NINJ2: variants seen among roughly 807,000 people sequenced by gnomAD.
NINJ2 encodes the protein ninjurin 2.
In NINJ2, 12 loss-of-function variants were observed where a neutral mutation model predicts 11.7. The observed-to-expected ratio is 1.02, with a 90% confidence interval of 0.66 to 1.66. NINJ2 has a LOEUF of 1.66. Among genes scored for constraint, NINJ2 ranks in the 40% most tolerant of loss-of-function variants. The probability of loss-of-function intolerance (pLI) is 0.00; values close to 1 mark genes in which losing one functional copy is unlikely to be tolerated. For missense variants in NINJ2, 187 were observed against 181.8 expected (o/e 1.03, Z -0.16); for synonymous variants, 93 against 76.8 (o/e 1.21, Z -1.10).
At chr12:643,829 ATCGCTCAGGTCTT>A in intron 1 of NINJ2, 6 of 280,674 alleles carry the variant, frequency 2.1e-5, no homozygotes, top group Non-Finnish European at 3.3e-5. Flanking sequence ...CTACCAGCTC[ATCGCTCAGGTCTT>A]AGATGACACT....
At chr12:620,566 A>G (rs942913689) in intron 1 of NINJ2, among the ~76,000 whole-genome samples, 6 of 152,248 alleles carry the variant, frequency 3.9e-5, no homozygotes, top group Admixed American at 6.5e-5. Flanking sequence ...TCATTTGTAG[A>G]TACTAAAAGT....
rs1452208106 is a variant in NINJ2 at position 633,514 on chromosome 12, T to C, written c.33+29814A>G. On this transcript the variant is annotated intron_variant, in intron 1 of 3. Transcript: ENST00000305108. The surrounding 1 kb of genome is among the most constrained non-coding windows in gnomAD (Gnocchi z 4.3). ...GACTGTCTCCAAAAAAAAAAAATCA[T>C]GTCATTTAAAAACTTCTGAGGCTGG... 6.6e-6 allele frequency among the ~76,000 whole-genome samples: 1 copy of C among 150,730 alleles called. No individual in the cohort carries two copies. The highest frequency in any genetic ancestry group is 1.5e-5 in the Non-Finnish European group (1 of 67,738).
intron 1 of NINJ2, among the ~76,000 whole-genome samples, chr12:639,140 C>G (rs1948391134): frequency 6.6e-6 from 1 of 152,038 alleles, no homozygotes; most frequent in African/African-American, 2.4e-5. Flanking sequence ...TACCCCTAGT[C>G]GCAGACATTT....
At chr12:662,211 C>G (rs1035725131) in intron 1 of NINJ2, among the ~76,000 whole-genome samples, 2 of 152,198 alleles carry the variant, frequency 1.3e-5, no homozygotes, top group African/African-American at 4.8e-5. Flanking sequence ...GACAAGCAAG[C>G]CTTGCGGTGG....
intron 1 of NINJ2, among the ~76,000 whole-genome samples, chr12:657,001 A>C (rs1199861301): frequency 6.6e-6 from 1 of 152,240 alleles, no homozygotes; most frequent in Non-Finnish European, 1.5e-5. Flanking sequence ...GAATTAATTC[A>C]AAGTGGACTA....
At chr12:622,713 T>C (rs1948168244) in intron 1 of NINJ2, among the ~76,000 whole-genome samples, 1 of 152,184 alleles carries the variant, frequency 6.6e-6, no homozygotes, top group Non-Finnish European at 1.5e-5. Flanking sequence ...CACAGACCCT[T>C]TCAGAATCTG....
rs1303265571 is a variant in NINJ2, at chr12:581,867, C to T, written c.34-15689G>A. The stretch of plus-strand genomic sequence containing the variant: ...AGCAAAAGTCAATGTAAGTCCCAGG[C>T]GATGTCTAACTCAGCCCCAAGGTGT... On this transcript the variant is annotated intron_variant, in intron 1 of 3. Coordinates refer to ENST00000305108, the MANE Select transcript of NINJ2 (RefSeq NM_016533.6). The surrounding 1 kb of genome is among the most constrained non-coding windows in gnomAD (Gnocchi z 4.9). Among the ~76,000 whole-genome samples the T allele has an allele frequency of 3.3e-5, 5 of 152,276 alleles. No homozygotes were observed. The highest frequency in any genetic ancestry group is 2.1e-4 in the South Asian group (1 of 4,826).
At chr12:648,618 A>G (rs561561986) in intron 1 of NINJ2, among the ~76,000 whole-genome samples, 1 of 152,346 alleles carries the variant, frequency 6.6e-6, no homozygotes, top group East Asian at 1.9e-4. Flanking sequence ...AGGCCTGGAC[A>G]AGGAATAAAA....
chr12:605,015 TTGCCTCAGCACTCAG>T (rs1947922929), intron 1 of NINJ2, among the ~76,000 whole-genome samples: 1 of 152,204 alleles, frequency 6.6e-6, no homozygotes, highest in South Asian at 2.1e-4. Flanking sequence ...AAATTTGACG[TTGCCTCAGCACTCAG>T]TGTGTGATCA....
chr12:568,609 G>A (rs889676625), intron 1 of NINJ2, among the ~76,000 whole-genome samples: 1 of 152,220 alleles, frequency 6.6e-6, no homozygotes, highest in Admixed American at 6.5e-5. Context: ...CAAACATATA[G>A]GAGTGGCTCT....
At chr12:601,555 A>AT (rs1193887665) in intron 1 of NINJ2, among the ~76,000 whole-genome samples, 68 of 150,726 alleles carry the variant, frequency 4.5e-4, no homozygotes, top group African/African-American at 1.4e-3. Context: ...TCTCAAAAAA[A>AT]AAAAAAAATA....
chr12:576,544 C>T (rs567418677), intron 1 of NINJ2, among the ~76,000 whole-genome samples: 2 of 152,332 alleles, frequency 1.3e-5, no homozygotes, highest in East Asian at 3.9e-4. Flanking sequence ...GCCCAGGCTG[C>T]GGGGTGGTGG....
chr12:618,251 GT>G, intron 1 of NINJ2, among the ~76,000 whole-genome samples: 1 of 126,856 alleles, frequency 7.9e-6, no homozygotes, highest in African/African-American at 3.1e-5. Flanking sequence ...GGAGGTGGGG[GT>G]GAGGAGTTGG....
intron 1 of NINJ2, among the ~76,000 whole-genome samples, chr12:627,283 A>G (rs1188655379): frequency 6.6e-6 from 1 of 152,200 alleles, no homozygotes; most frequent in Non-Finnish European, 1.5e-5. Context: ...GCTTCTTGTT[A>G]GAAGATTCTG....
intron 1 of NINJ2, chr12:610,274 A>G: frequency 7.6e-7 from 1 of 1,323,304 alleles, no homozygotes; most frequent in Non-Finnish European, 1.0e-6. Flanking sequence ...AGCCCTCTTC[A>G]CCTGCCCAGT....
intron 1 of NINJ2, among the ~76,000 whole-genome samples, chr12:617,785 G>A (rs1411784082): frequency 6.6e-6 from 1 of 152,114 alleles, no homozygotes; most frequent in Non-Finnish European, 1.5e-5. Flanking sequence ...CTGTTGGGCA[G>A]CGAGGTCAGG....
At chr12:568,284 T>C (rs1032057196) in intron 1 of NINJ2, among the ~76,000 whole-genome samples, 1 of 152,226 alleles carries the variant, frequency 6.6e-6, no homozygotes, top group Non-Finnish European at 1.5e-5. Flanking sequence ...GAGATCCAGC[T>C]CTAATCCACA....
chr12:618,420 C>G (rs79567438), intron 1 of NINJ2, among the ~76,000 whole-genome samples: 4,963 of 149,928 alleles, frequency 0.033, 368 homozygotes, highest in African/African-American at 0.11. Flanking sequence ...TCTGGAACCC[C>G]AGAACAGCAT....
chr12:596,405 T>G (rs778613298), intron 1 of NINJ2, among the ~76,000 whole-genome samples: 30 of 152,186 alleles, frequency 2.0e-4, no homozygotes, highest in Non-Finnish European at 4.0e-4. Context: ...CTTCATTAGC[T>G]GCAACAAATG....
Sources: allele counts gnomAD v4.1 joint callset (sites outside exome capture counted in the v4.1 genomes callset), GRCh38; gene constraint gnomAD v4.1.1; non-coding constraint Gnocchi (gnomAD v3.1); transcripts MANE v1.5; gene names NCBI Gene and HGNC (gene_info 2026-07-23, HGNC 2026-07-21).